MYOCD: variants seen among roughly 807,000 people sequenced by gnomAD.
MYOCD encodes myocardin.
In MYOCD, 32 loss-of-function variants were observed where a neutral mutation model predicts 96.1. That is an observed-to-expected ratio of 0.33 (90% CI 0.25 to 0.45). The LOEUF is 0.45. MYOCD is among the 20% of genes least tolerant of loss of function. The pLI is 1.00. For synonymous variants in MYOCD, 469 were observed against 469.0 expected (o/e 1.00, Z 0.00); for missense variants, 1,133 against 1,200.6 (o/e 0.94, Z 0.83).
At chr17:12,678,187 A>G (rs1232065631) in intron 1 of MYOCD, among the ~76,000 whole-genome samples, 5 of 151,830 alleles carry the variant, frequency 3.3e-5, no homozygotes, top group Admixed American at 2.6e-4. Flanking sequence ...CACCGCGCCC[A>G]GCCTATCATT....
At chr17:12,745,641 G>T (rs1168922321) in intron 8 of MYOCD, among the ~76,000 whole-genome samples, 1 of 152,138 alleles carries the variant, frequency 6.6e-6, no homozygotes, top group African/African-American at 2.4e-5. Context: ...GGTGTGTTTG[G>T]CCTCCCCAGG....
At chr17:12,757,916 A>G (rs1035374461) in intron 11 of MYOCD, among the ~76,000 whole-genome samples, 169 bp from the exon 12 acceptor site, 4 of 152,190 alleles carry the variant, frequency 2.6e-5, no homozygotes, top group Non-Finnish European at 5.9e-5. Flanking sequence ...ATGAACCCAC[A>G]GTAGCATTCA....
chr17:12,711,058 T>C (rs1378228538), intron 2 of MYOCD, among the ~76,000 whole-genome samples: 2 of 152,158 alleles, frequency 1.3e-5, no homozygotes, highest in African/African-American at 4.8e-5. Flanking sequence ...ATTGGGAAAA[T>C]GCACTGTTTT....
At chr17:12,669,856 C>T (rs1248971203) in intron 1 of MYOCD, among the ~76,000 whole-genome samples, 7 of 151,998 alleles carry the variant, frequency 4.6e-5, no homozygotes, top group Non-Finnish European at 7.4e-5. Context: ...TTGACCAATC[C>T]GAGTGGTTTT....
In MYOCD at chr17:12,768,882, T is replaced by G. The variant is rs1305050845; in HGVS notation, c.*5238T>G. 1.4e-5 allele frequency: 2 copies of G among 145,756 alleles called. No homozygotes were observed. Among genetic ancestry groups the G allele is most frequent in the Non-Finnish European group, 3.0e-5 (2 of 66,692 alleles). 9.0% of individuals were successfully genotyped at this position (145,756 alleles called of 1,614,324 possible). On this transcript the variant is annotated 3_prime_UTR_variant, in exon 14 of 14. Transcript: ENST00000425538. ...AGTGGCTAAAATACCAAAGTTGGCA[T>G]GTGTTCTTTTTTAAAAAAAAAAAAA...
intron 1 of MYOCD, among the ~76,000 whole-genome samples, chr17:12,691,374 A>G (rs1190550774): frequency 4.6e-5 from 7 of 152,202 alleles, no homozygotes; most frequent in African/African-American, 7.2e-5. Flanking sequence ...AACCATGGCA[A>G]CGTCTCCATG....
chr17:12,726,644 C>T (rs921687902), intron 5 of MYOCD, among the ~76,000 whole-genome samples: 1 of 152,296 alleles, frequency 6.6e-6, no homozygotes, highest in East Asian at 1.9e-4. Context: ...GTAGCTAGTC[C>T]TGTCTGCCAC....
chr17:12,753,217 G>C lies in MYOCD; in HGVS notation c.1929G>C (p.Val643=), dbSNP rs757115312. Residue 643 remains valine (V), a synonymous_variant, in exon 10 of 14, where the codon GTG becomes GTC. Coordinates refer to ENST00000425538, the MANE Select transcript of MYOCD (RefSeq NM_001146312.3). ...CSPQHSPLGA[V]KSPQHISLPP... ...CTCAGCATTCACCGCTGGGGGCTGT[G>C]AAAAGCCCACAGCACATCAGTTTGC... The C allele has an allele frequency of 1.9e-6, 3 of 1,614,136 alleles. No individual in the cohort carries two copies. In the Admixed American group the frequency reaches 5.0e-5, roughly 27 times the overall value.
intron 1 of MYOCD, among the ~76,000 whole-genome samples, chr17:12,676,568 G>A (rs1359421459): frequency 4.6e-5 from 7 of 151,886 alleles, no homozygotes; most frequent in Admixed American, 4.6e-4. Context: ...AAGATATGGA[G>A]TGATGGGGAG....
intron 1 of MYOCD, among the ~76,000 whole-genome samples, chr17:12,676,824 G>A (rs1224694141): frequency 6.6e-6 from 1 of 152,128 alleles, no homozygotes; most frequent in Non-Finnish European, 1.5e-5. Context: ...TCAAATCCTG[G>A]CCTCCATCCT....
chr17:12,681,101 G>A (rs1910436664), intron 1 of MYOCD, among the ~76,000 whole-genome samples: 1 of 152,130 alleles, frequency 6.6e-6, no homozygotes, highest in Admixed American at 6.5e-5. Context: ...GGAAAAGCTG[G>A]GACTTGATCT....
Position 12,763,133 on chromosome 17 carries a change from G to C in MYOCD, c.2450G>C (p.Arg817Thr). The change falls in exon 14 of 14, where the codon AGA becomes ACA. Residue 817 changes from arginine to threonine, a missense_variant. By Grantham distance (71) the Arg-to-Thr change is moderately conservative. Coordinates refer to ENST00000425538, the MANE Select transcript of MYOCD (RefSeq NM_001146312.3). ...SCLQKVPKIP[R>T]SSRSPTAVLT... ...CTTCAAAAAGTCCCAAAGATACCCA[G>C]ATCTTCCCGAAGTCCAACTGCTGTC... 1.2e-6 allele frequency: 2 copies of C among 1,614,096 alleles called. No homozygotes were observed. Among genetic ancestry groups the C allele is most frequent in the South Asian group, 1.1e-5 (1 of 91,048 alleles).
intron 2 of MYOCD, among the ~76,000 whole-genome samples, chr17:12,707,306 C>A (rs899676264): frequency 1.3e-5 from 2 of 152,098 alleles, no homozygotes; most frequent in African/African-American, 4.8e-5. Context: ...TTATTATAAA[C>A]CAGGCTATGT....
intron 9 of MYOCD, 112 bp downstream of exon 9, chr17:12,746,184 A>G: frequency 8.7e-7 from 1 of 1,149,832 alleles, no homozygotes; most frequent in South Asian, 1.5e-5. Flanking sequence ...GGGGAAGAAG[A>G]CTGTAGGAAA....
At chr17:12,708,027 A>G (rs1264880661) in intron 2 of MYOCD, among the ~76,000 whole-genome samples, 2 of 152,070 alleles carry the variant, frequency 1.3e-5, no homozygotes, top group African/African-American at 2.4e-5. Context: ...CTATGCCCCA[A>G]TTACTGGGCC....
At chr17:12,720,007 G>C (rs1414783240) in intron 4 of MYOCD, among the ~76,000 whole-genome samples, 2 of 152,212 alleles carry the variant, frequency 1.3e-5, no homozygotes, top group South Asian at 2.1e-4. Flanking sequence ...CAGACTAGGA[G>C]CTTTTATATG....
At chr17:12,669,017 C>T (rs1332978018) in intron 1 of MYOCD, among the ~76,000 whole-genome samples, 1 of 152,138 alleles carries the variant, frequency 6.6e-6, no homozygotes, top group African/African-American at 2.4e-5. Flanking sequence ...TAAAGATTGA[C>T]TGGGAACAAG....
intron 3 of MYOCD, among the ~76,000 whole-genome samples, chr17:12,716,046 T>A (rs2031629643): frequency 6.6e-6 from 1 of 152,194 alleles, no homozygotes; most frequent in African/African-American, 2.4e-5. Flanking sequence ...TTTGTAACAT[T>A]TGAGGGTGAG....
At chr17:12,682,614 A>C (rs973616897) in intron 1 of MYOCD, among the ~76,000 whole-genome samples, 34 of 152,330 alleles carry the variant, frequency 2.2e-4, no homozygotes, top group African/African-American at 7.9e-4. Flanking sequence ...TGTTGTATCC[A>C]GGGTTTGTGA....
Sources: gnomAD v4.1 joint callset for allele counts (sites outside exome capture counted in the v4.1 genomes callset) on GRCh38, gnomAD v4.1.1 for gene constraint, MANE v1.5 for transcripts, NCBI Gene and HGNC (gene_info 2026-07-23, HGNC 2026-07-21) for gene names.